Variants in NRXN1 observed in about 807,000 individuals in gnomAD.
NRXN1 encodes neurexin-1.
A neutral mutation model predicts 150.9 loss-of-function variants in NRXN1; 39 were observed. The observed-to-expected ratio is 0.26, with a 90% CI of 0.20 to 0.34. NRXN1 has a LOEUF of 0.34. NRXN1 is among the 10% of genes least tolerant of loss of function. The probability of loss-of-function intolerance (pLI) is 1.00; values close to 1 mark genes in which losing one functional copy is unlikely to be tolerated. For synonymous variants in NRXN1, 924 were observed against 757.0 expected, an observed-to-expected ratio of 1.22 and a Z score of -3.62; for missense variants, 1,815 against 1,949.9, an observed-to-expected ratio of 0.93 and a Z score of 1.30.
At chr2:50,447,815 G>A (rs2086596264) in intron 17 of NRXN1, among the ~76,000 whole-genome samples, 1 of 130,772 alleles carries the variant, frequency 7.6e-6, no homozygotes, top group Admixed American at 8.4e-5. Context: ...TCCTGCTTAT[G>A]GCTTCTTCAG....
intron 17 of NRXN1, among the ~76,000 whole-genome samples, chr2:50,361,369 G>C (rs1198478449): frequency 6.6e-6 from 1 of 151,976 alleles, no homozygotes; most frequent in East Asian, 1.9e-4. Flanking sequence ...CCACTAGCCA[G>C]ACTATATATA....
chr2:50,285,911 G>T (rs1468914471), intron 17 of NRXN1, among the ~76,000 whole-genome samples: 1 of 151,366 alleles, frequency 6.6e-6, no homozygotes, highest in Non-Finnish European at 1.5e-5. Context: ...ATGGAATAAG[G>T]TATTCTCAAC....
At chr2:50,414,309 C>A (rs977072427) in intron 17 of NRXN1, among the ~76,000 whole-genome samples, 3 of 151,900 alleles carry the variant, frequency 2.0e-5, no homozygotes, top group Admixed American at 6.6e-5. Flanking sequence ...AATATATACA[C>A]CTGCTATGTA....
At chr2:50,396,303 A>C (rs1036719375) in intron 17 of NRXN1, among the ~76,000 whole-genome samples, 3 of 152,198 alleles carry the variant, frequency 2.0e-5, no homozygotes, top group Non-Finnish European at 2.9e-5. Flanking sequence ...ATTATTGTCA[A>C]TTTAACATGT....
intron 17 of NRXN1, among the ~76,000 whole-genome samples, chr2:50,241,724 A>C (rs1447628393): frequency 1.3e-5 from 2 of 151,832 alleles, no homozygotes; most frequent in Non-Finnish European, 2.9e-5. Context: ...GTGATGTTAT[A>C]ATCAGGGAAT....
At chr2:50,876,042 C>T (rs141544073) in intron 5 of NRXN1, among the ~76,000 whole-genome samples, 2,532 of 151,912 alleles carry the variant, frequency 0.017, 37 homozygotes, top group Admixed American at 0.043. Context: ...TTCTGTCATG[C>T]TGGGTGCAGG....
At chr2:50,030,790 G>C (rs1400731316) in intron 21 of NRXN1, among the ~76,000 whole-genome samples, 1 of 152,062 alleles carries the variant, frequency 6.6e-6, no homozygotes, top group African/African-American at 2.4e-5. Flanking sequence ...GCAGTAACTA[G>C]TTATGGCATG....
intron 5 of NRXN1, among the ~76,000 whole-genome samples, chr2:50,710,973 C>T (rs1267012266): frequency 1.3e-5 from 2 of 152,018 alleles, no homozygotes; most frequent in Non-Finnish European, 2.9e-5. Flanking sequence ...TCTGTGGCCC[C>T]CATAATAGAA....
intron 8 of NRXN1, among the ~76,000 whole-genome samples, chr2:50,603,995 G>A (rs1196518427): frequency 6.6e-6 from 1 of 152,158 alleles, no homozygotes; most frequent in Non-Finnish European, 1.5e-5. Context: ...GCAGAAATAT[G>A]TAAATTTTGC....
At chr2:50,374,294 A>AAAATAAAT (rs71404951) in intron 17 of NRXN1, among the ~76,000 whole-genome samples, 15,867 of 136,396 alleles carry the variant, frequency 0.12, 1,137 homozygotes, top group East Asian at 0.29. Context: ...CTGTCTCAAG[A>AAAATAAAT]AAATAAATAA....
intron 17 of NRXN1, among the ~76,000 whole-genome samples, chr2:50,355,261 A>G (rs1436383044): frequency 1.5e-5 from 2 of 130,648 alleles, no homozygotes; most frequent in East Asian, 5.1e-4. Context: ...ATATACATAT[A>G]TATACACATA....
At chr2:50,274,685 G>A (rs1027246647) in intron 17 of NRXN1, among the ~76,000 whole-genome samples, 3 of 152,000 alleles carry the variant, frequency 2.0e-5, no homozygotes, top group Non-Finnish European at 4.4e-5. Context: ...TGAAGATATT[G>A]CCTCCATTTT....
At chr2:49,987,450 A>G (rs538808493) in intron 21 of NRXN1, among the ~76,000 whole-genome samples, 1 of 152,194 alleles carries the variant, frequency 6.6e-6, no homozygotes, top group East Asian at 1.9e-4. Flanking sequence ...TAATTTACAT[A>G]TATGTCCTAT....
intron 8 of NRXN1, among the ~76,000 whole-genome samples, chr2:50,558,617 A>T (rs980348187): frequency 1.3e-5 from 2 of 152,222 alleles, no homozygotes; most frequent in Non-Finnish European, 2.9e-5. Context: ...ATGATATTGT[A>T]GTTTTTCAAC....
chr2:50,420,856 T>C (rs921719725), intron 17 of NRXN1, among the ~76,000 whole-genome samples: 13 of 151,954 alleles, frequency 8.6e-5, no homozygotes, highest in African/African-American at 2.9e-4. Context: ...CACATGATAG[T>C]GGAAGGTGTT....
chr2:50,424,867 A>G (rs547113202), intron 17 of NRXN1, among the ~76,000 whole-genome samples: 32 of 151,788 alleles, frequency 2.1e-4, no homozygotes, highest in Admixed American at 4.6e-4. Context: ...AATATCAGTT[A>G]TTTCGTATTG....
rs1452462934 is a variant in NRXN1 at position 50,828,444 on chromosome 2, C to G, written c.832+93425G>C. Among the ~76,000 whole-genome samples, 10 of 149,218 alleles carry G rather than the reference C, an allele frequency of 6.7e-5. No individual in the cohort carries two copies. In the South Asian group the frequency reaches 1.9e-3, roughly 29 times the overall value. On this transcript the variant is annotated intron_variant, in intron 5 of 22. Transcript: ENST00000401669. The stretch of plus-strand genomic sequence containing the variant: ...CTCACTTCTCAGACGGGGCGGCTGC[C>G]GGGCGGAGGGGCTCCTCACTTCTCA...
At chr2:50,950,525 G>C (rs1230682610) in intron 2 of NRXN1, among the ~76,000 whole-genome samples, 5 of 152,062 alleles carry the variant, frequency 3.3e-5, no homozygotes, top group African/African-American at 1.2e-4. Flanking sequence ...ATGTATCACG[G>C]TTTCTCACCT....
intron 5 of NRXN1, among the ~76,000 whole-genome samples, chr2:50,705,859 T>C (rs1694357816): frequency 6.6e-6 from 1 of 152,142 alleles, no homozygotes; most frequent in Non-Finnish European, 1.5e-5. Context: ...ATAAAAGATC[T>C]GCACAGACAG....
Sources: gnomAD v4.1 joint callset for allele counts (sites outside exome capture counted in the v4.1 genomes callset) on GRCh38, gnomAD v4.1.1 for gene constraint, MANE v1.5 for transcripts, NCBI Gene and HGNC (gene_info 2026-07-23, HGNC 2026-07-21) for gene names.